NDUFAF1: variants seen among roughly 807,000 people sequenced by gnomAD.
The protein encoded by NDUFAF1 is complex I intermediate-associated protein 30, mitochondrial.
NDUFAF1 carries 18 observed loss-of-function variants against 28.7 expected under a neutral mutation model. The ratio of observed to expected loss-of-function variants is 0.63; its 90% CI spans 0.43 to 0.93. The LOEUF is 0.93. Among genes scored for constraint, NDUFAF1 ranks in the 40% least tolerant of loss-of-function variants. The pLI is 0.00. For missense variants in NDUFAF1, 404 were observed against 398.3 expected (o/e 1.01, Z -0.12); for synonymous variants, 113 against 139.7 (o/e 0.81, Z 1.35).
intron 1 of NDUFAF1, among the ~76,000 whole-genome samples, chr15:41,401,540 T>C (rs983386941): frequency 2.6e-5 from 4 of 151,452 alleles, no homozygotes; most frequent in Middle Eastern, 3.4e-3. Flanking sequence ...TTTCAAGCAA[T>C]TCTCTTGCCT....
At chr15:41,399,668 A>C (rs1248774261) in intron 1 of NDUFAF1, among the ~76,000 whole-genome samples, 2 of 150,388 alleles carry the variant, frequency 1.3e-5, no homozygotes, top group African/African-American at 2.5e-5. Flanking sequence ...TCCCGGCTAA[A>C]ACGGTGAAAC....
At chr15:41,402,571 C>T (rs1381414039), upstream of NDUFAF1, 37 of 274,518 alleles carry the variant, frequency 1.3e-4, 1 homozygote, top group East Asian at 7.9e-5. Flanking sequence ...TACAGAAGCC[C>T]AGGAAGGACA....
Position 41,402,322 on chromosome 15 carries a change from A to G in NDUFAF1, c.-260T>C, listed in dbSNP as rs759857374. The G allele has an allele frequency of 2.2e-6, 1 of 454,066 alleles. No homozygotes were observed. Among genetic ancestry groups the G allele is most frequent in the South Asian group, 1.6e-5 (1 of 64,482 alleles). 28.1% of individuals were successfully genotyped at this position (454,066 alleles called of 1,614,324 possible). A position where few individuals can be genotyped will look rare whatever the true frequency, so the allele number is the denominator to read the frequency against. On this transcript the variant is annotated 5_prime_UTR_variant, in exon 1 of 5. Transcript: ENST00000260361. ...GCCTTGGCGTATACCTCCCGCACTC[A>G]CGGCCTGGCCTCCGGAGGCTAGACG...
Position 41,387,591 on chromosome 15 carries a change from G to T in NDUFAF1, c.837C>A (p.Ile279=), listed in dbSNP as rs768761113. ...DVQHELPLDK[I]SSIGFTLADK... ...CAGCCAAGGTGAATCCTATAGAAGA[G>T]ATCTAAATTTAAAATACAGAAATTG... The change falls in exon 5 of 5, where the codon ATC becomes ATA. Residue 279 remains isoleucine, a splice_region_variant and synonymous_variant. Transcript: ENST00000260361. 2 of 1,604,222 alleles carry T rather than the reference G, an allele frequency of 1.2e-6. No individual in the cohort carries two copies. Among genetic ancestry groups the T allele is most frequent in the Admixed American group, 1.7e-5 (1 of 59,934 alleles).
chr15:41,400,500 C>A (rs2050447398), intron 1 of NDUFAF1, among the ~76,000 whole-genome samples: 1 of 151,482 alleles, frequency 6.6e-6, no homozygotes, highest in African/African-American at 2.4e-5. Flanking sequence ...AGCCACTGCA[C>A]CTGATGAATA....
chr15:41,401,505 G>A (rs970710298), intron 1 of NDUFAF1, among the ~76,000 whole-genome samples: 2 of 151,022 alleles, frequency 1.3e-5, no homozygotes, highest in Non-Finnish European at 1.5e-5. Flanking sequence ...TGCGATCTCG[G>A]CTCATTGTAA....
At chr15:41,389,040 C>G (rs115037660) in intron 3 of NDUFAF1, among the ~76,000 whole-genome samples, 1,954 of 151,942 alleles carry the variant, frequency 0.013, 43 homozygotes, top group African/African-American at 0.046. Flanking sequence ...ATGTAATTTA[C>G]TTATTATTAA....
At chr15:41,389,957 GAAAAA>G (rs917680993) in intron 3 of NDUFAF1, among the ~76,000 whole-genome samples, 1 of 151,124 alleles carries the variant, frequency 6.6e-6, no homozygotes, top group African/African-American at 2.4e-5. Context: ...AACAAGTTAA[GAAAAA>G]AAAATTTTTT....
intron 3 of NDUFAF1, 151 bp from the exon 4 acceptor site, chr15:41,388,673 A>G: frequency 3.2e-6 from 2 of 634,882 alleles, no homozygotes; most frequent in Non-Finnish European, 5.6e-6. Context: ...TCAAAGATAT[A>G]ACTCAGGCCA....
At chr15:41,399,855 CAAAAAAAAAAAAAA>C (rs35139337) in intron 1 of NDUFAF1, among the ~76,000 whole-genome samples, 4 of 42,038 alleles carry the variant, frequency 9.5e-5, no homozygotes, top group African/African-American at 4.0e-4. Flanking sequence ...GACTCCTTCT[CAAAAAAAAAAAAAA>C]AAAAAAAAAA....
chr15:41,397,684 AG>A (rs1213755173), intron 1 of NDUFAF1, among the ~76,000 whole-genome samples: 3 of 151,342 alleles, frequency 2.0e-5, no homozygotes, highest in African/African-American at 7.3e-5. Context: ...CTGTAGTCCC[AG>A]CTACTGGGGA....
chr15:41,397,969 G>A (rs1255285610), intron 1 of NDUFAF1, among the ~76,000 whole-genome samples: 1 of 143,938 alleles, frequency 6.9e-6, no homozygotes, highest in African/African-American at 2.6e-5. Context: ...AGGCTGCAGT[G>A]AGCCAAGATC....
In NDUFAF1 at chr15:41,396,577, T is replaced by C. The variant is rs776240028; in HGVS notation, c.483A>G (p.Ala161=). Residue 161 remains alanine (A), a synonymous_variant, in exon 2 of 5, where the codon GCA becomes GCG. Transcript: ENST00000260361. The stretch of plus-strand genomic sequence containing the variant: ...CAGAGCTCAGAGTTCCATATAGCAG[T>C]GCACTTTGGTTATTCTTGCCCATTT... ...FLKMGKNNQS[A]LLYGTLSSEA... 6.2e-7 allele frequency: 1 copy of C among 1,614,114 alleles called. No individual in the cohort carries two copies. The highest frequency in any genetic ancestry group is 8.5e-7 in the Non-Finnish European group (1 of 1,180,026).
intron 1 of NDUFAF1, among the ~76,000 whole-genome samples, chr15:41,399,728 C>T (rs1167928533): frequency 4.7e-5 from 7 of 149,546 alleles, no homozygotes; most frequent in Non-Finnish European, 7.5e-5. Flanking sequence ...TAGTGGCGGG[C>T]GCCTGTAGTC....
chr15:41,399,528 G>A (rs531081237), intron 1 of NDUFAF1, among the ~76,000 whole-genome samples: 1 of 151,266 alleles, frequency 6.6e-6, no homozygotes, highest in African/African-American at 2.4e-5. Context: ...TCGCACTCCA[G>A]CCTGGGCAAC....
intron 3 of NDUFAF1, among the ~76,000 whole-genome samples, chr15:41,391,099 C>T (rs1021165818): frequency 1.7e-4 from 26 of 151,950 alleles, no homozygotes; most frequent in African/African-American, 6.0e-4. Context: ...AGATTTTTTT[C>T]TGTACTTCCC....
intron 1 of NDUFAF1, among the ~76,000 whole-genome samples, chr15:41,397,603 TC>T (rs2050407466): frequency 6.6e-6 from 1 of 151,780 alleles, no homozygotes; most frequent in Admixed American, 6.6e-5. Context: ...ATCGAGACCA[TC>T]CTGGCTAACA....
At chr15:41,399,822 C>T (rs1237089784) in intron 1 of NDUFAF1, among the ~76,000 whole-genome samples, 1 of 139,182 alleles carries the variant, frequency 7.2e-6, no homozygotes, top group Non-Finnish European at 1.5e-5. Flanking sequence ...CGCCACTGCA[C>T]TCCAGCCTGG....
intron 3 of NDUFAF1, among the ~76,000 whole-genome samples, chr15:41,390,629 G>A (rs2050305326): frequency 6.6e-6 from 1 of 152,022 alleles, no homozygotes; most frequent in Admixed American, 6.6e-5. Flanking sequence ...GGAGGCTGAG[G>A]CAGGAGAATG....
Sources: gnomAD v4.1 joint callset for allele counts (sites outside exome capture counted in the v4.1 genomes callset) on GRCh38, gnomAD v4.1.1 for gene constraint, MANE v1.5 for transcripts, NCBI Gene and HGNC (gene_info 2026-07-23, HGNC 2026-07-21) for gene names.